SEC24A: variants seen among roughly 807,000 people sequenced by gnomAD.
The protein encoded by SEC24A is SEC24 homolog A, COPII component.
SEC24A carries 93 observed loss-of-function variants against 129.4 expected under a neutral mutation model. The observed-to-expected ratio is 0.72, with a 90% CI of 0.61 to 0.85. The LOEUF (loss-of-function observed/expected upper bound fraction) is 0.85. SEC24A is among the 40% of genes least tolerant of loss of function. The pLI is 0.00. For synonymous variants in SEC24A, 460 were observed against 467.3 expected, an observed-to-expected ratio of 0.98 and a Z score of 0.20; for missense variants, 1,264 against 1,307.4, an observed-to-expected ratio of 0.97 and a Z score of 0.51.
At chr5:134,681,965 G>A (rs1421387094) in intron 8 of SEC24A, among the ~76,000 whole-genome samples, 2 of 152,240 alleles carry the variant, frequency 1.3e-5, no homozygotes, top group African/African-American at 4.8e-5. Flanking sequence ...AAATAGGCCG[G>A]GTGTGGTGGC....
At chr5:134,665,680 C>T (rs1377997333) in intron 2 of SEC24A, among the ~76,000 whole-genome samples, 1 of 151,882 alleles carries the variant, frequency 6.6e-6, no homozygotes, top group African/African-American at 2.4e-5. Context: ...CCTCAGCTTC[C>T]CAAGTAGCTG....
At chr5:134,692,119 G>A (rs928951527) in intron 11 of SEC24A, among the ~76,000 whole-genome samples, 6 of 148,790 alleles carry the variant, frequency 4.0e-5, no homozygotes, top group African/African-American at 1.5e-4. Flanking sequence ...GAGTGCAGTG[G>A]TGCAATCTTG....
At chr5:134,663,601 T>C (rs933509435) in intron 2 of SEC24A, among the ~76,000 whole-genome samples, 11 of 152,134 alleles carry the variant, frequency 7.2e-5, no homozygotes, top group African/African-American at 1.9e-4. Context: ...GAGGATCCAC[T>C]TGAGGCCAGG....
intron 2 of SEC24A, among the ~76,000 whole-genome samples, chr5:134,663,846 A>C (rs762291467): frequency 1.7e-4 from 26 of 152,212 alleles, no homozygotes; most frequent in Admixed American, 3.3e-4. Context: ...ATGGTGGCTC[A>C]CGCCTGTAAG....
Position 134,700,741 on chromosome 5 carries a change from C to T in SEC24A, c.2266+2684C>T, listed in dbSNP as rs1246771661. Reference sequence around the variant, plus strand: ...TTACTTTATTTTTTTTTTTCTGAGACCACATCTTGCTCTTTTGTCCAGGCT... The same window carrying T: ...TTACTTTATTTTTTTTTTTCTGAGATCACATCTTGCTCTTTTGTCCAGGCT... On this transcript the variant is annotated intron_variant, in intron 15 of 22. Transcript: ENST00000398844. 2.7e-5 allele frequency among the ~76,000 whole-genome samples: 4 copies of T among 150,054 alleles called. No individual in the cohort carries two copies. In the East Asian group the frequency reaches 5.9e-4, roughly 22 times the overall value.
In SEC24A at chr5:134,676,034, G is replaced by A; in HGVS notation, c.1163G>A (p.Cys388Tyr). ...KLNCNPELFR[C>Y]TLTSIPQTQA... ...TTACTTTGATATAGGTTATTTCGATGCACGCTGACTAGCATTCCTCAGACG... is the reference window on the plus strand; with the variant it reads ...TTACTTTGATATAGGTTATTTCGATACACGCTGACTAGCATTCCTCAGACG... The change falls in exon 7 of 23, where the codon TGC becomes TAC. Residue 388 changes from cysteine (C) to tyrosine (Y), a missense_variant. Transcript: ENST00000398844. The A allele has an allele frequency of 6.2e-7, 1 of 1,603,798 alleles. No individual in the cohort carries two copies. Among genetic ancestry groups the A allele is most frequent in the Non-Finnish European group, 8.5e-7 (1 of 1,176,532 alleles).
intron 19 of SEC24A, among the ~76,000 whole-genome samples, chr5:134,717,118 AT>A (rs1290984383): frequency 6.6e-6 from 1 of 151,844 alleles, no homozygotes; most frequent in Admixed American, 6.6e-5. Flanking sequence ...ACCTCAAGTG[AT>A]CCACCCGCCT....
chr5:134,657,554 C>T (rs551690640), intron 1 of SEC24A, among the ~76,000 whole-genome samples: 1 of 152,168 alleles, frequency 6.6e-6, no homozygotes, highest in East Asian at 1.9e-4. Context: ...TATTTCTCTG[C>T]TGTCCCAATG....
At chr5:134,695,401 C>T (rs535467594) in intron 13 of SEC24A, among the ~76,000 whole-genome samples, 2 of 152,200 alleles carry the variant, frequency 1.3e-5, no homozygotes, top group East Asian at 3.9e-4. Context: ...CCTGTAAGAC[C>T]AGTGCTTTGG....
In SEC24A at chr5:134,721,013, G is replaced by T. The variant is rs1286993841; in HGVS notation, c.2986G>T (p.Val996Phe). 2 of 1,610,556 alleles carry T rather than the reference G, an allele frequency of 1.2e-6. No homozygotes were observed. The highest frequency in any genetic ancestry group is 2.7e-5 in the African/African-American group (2 of 74,770). ...MDAGSVLMLWVGKNCTQNFLS... is the reference protein window; with the variant it reads ...MDAGSVLMLWFGKNCTQNFLS... ...CTGTCCCTAGGTACTGATGCTTTGG[G>T]TTGGAAAAAATTGTACACAGAATTT... Residue 996 changes from valine (V) to phenylalanine (F), a missense_variant, in exon 21 of 23, where the codon GTT becomes TTT. Physicochemically the swap from Val to Phe is conservative, Grantham distance 50. Transcript: ENST00000398844.
rs771004476 is a variant in SEC24A at position 134,721,032 on chromosome 5, A to G, written c.3005A>G (p.Gln1002Arg). ...CTTTGGGTTGGAAAAAATTGTACAC[A>G]GAATTTTCTCAGCCAAGTTCTAGGA... ...LMLWVGKNCT[Q>R]NFLSQVLGVQ... Residue 1002 changes from glutamine (Q) to arginine (R), a missense_variant, in exon 21 of 23, where the codon CAG (glutamine) becomes CGG (arginine). Coordinates refer to ENST00000398844, the MANE Select transcript of SEC24A (RefSeq NM_021982.3). 6.2e-7 allele frequency: 1 copy of G among 1,613,206 alleles called. No individual in the cohort carries two copies. Among genetic ancestry groups the G allele is most frequent in the Non-Finnish European group, 8.5e-7 (1 of 1,179,192 alleles).
At chr5:134,672,745 A>ATT (rs998822292) in intron 4 of SEC24A, among the ~76,000 whole-genome samples, 1 of 145,740 alleles carries the variant, frequency 6.9e-6, no homozygotes, top group African/African-American at 2.5e-5. Context: ...TACTTTTAGG[A>ATT]TTTTTTTTTT....
chr5:134,692,641 T>TA lies in SEC24A; in HGVS notation c.1766dup (p.Asn589LysfsTer2). On this transcript the variant is annotated frameshift_variant, in exon 12 of 23. Coordinates refer to ENST00000398844, the MANE Select transcript of SEC24A (RefSeq NM_021982.3). LOFTEE classifies it high-confidence loss of function. ...ATGCCAGAGAACTTATTAGTAAACT[T>TA]AAATGAAAGTAAAGAGGTAAGGCAC... The TA allele has an allele frequency of 7.1e-7, 1 of 1,412,472 alleles. No individual in the cohort carries two copies. Among genetic ancestry groups the TA allele is most frequent in the Non-Finnish European group, 1.0e-6 (1 of 1,000,106 alleles). The allele number at this position is 1,412,472 out of a possible 1,614,324, so 87.5% of individuals were successfully genotyped here. A position where few individuals can be genotyped will look rare whatever the true frequency, so the allele number is the denominator to read the frequency against.
At chr5:134,716,343 G>T (rs1211841151) in intron 19 of SEC24A, among the ~76,000 whole-genome samples, 1 of 151,682 alleles carries the variant, frequency 6.6e-6, no homozygotes, top group Admixed American at 6.6e-5. Flanking sequence ...GGTGGCGGGT[G>T]CCTGTAATCC....
chr5:134,658,240 T>C (rs933359898), intron 1 of SEC24A, among the ~76,000 whole-genome samples: 28 of 152,244 alleles, frequency 1.8e-4, no homozygotes, highest in Admixed American at 1.7e-3. Flanking sequence ...CACTGCACTT[T>C]AGCTTGGGCA....
intron 18 of SEC24A, among the ~76,000 whole-genome samples, chr5:134,710,012 G>T (rs1752274221): frequency 6.6e-6 from 1 of 150,452 alleles, no homozygotes; most frequent in Admixed American, 6.7e-5. Flanking sequence ...CGATTCTCCT[G>T]CCTCAGCCTC....
chr5:134,697,808 TAAAG>T, intron 14 of SEC24A, 87 bp from the exon 15 acceptor site: 1 of 1,323,940 alleles, frequency 7.6e-7, no homozygotes, highest in South Asian at 1.4e-5. Flanking sequence ...CTTGGAAAGT[TAAAG>T]AAAGATTGAT....
chr5:134,710,670 G>A (rs1752300960), intron 18 of SEC24A, among the ~76,000 whole-genome samples: 1 of 152,100 alleles, frequency 6.6e-6, no homozygotes, highest in African/African-American at 2.4e-5. Context: ...TGTTTGTAGG[G>A]TTTTTCATTT....
rs1262943641 is a variant in SEC24A at position 134,649,039 on chromosome 5, G to C, written c.-38G>C. The stretch of plus-strand genomic sequence containing the variant: ...TCTTTCAGCTCTCTTCTTGTGCGCT[G>C]TTGTCGACCCCGACCAGCCCCTTCC... On this transcript the variant is annotated 5_prime_UTR_variant, in exon 1 of 23. Coordinates refer to ENST00000398844, the MANE Select transcript of SEC24A (RefSeq NM_021982.3). The C allele has an allele frequency of 6.7e-7, 1 of 1,490,464 alleles. No homozygotes were observed. The highest frequency in any genetic ancestry group is 2.3e-5 in the East Asian group (1 of 42,874). The allele number at this position is 1,490,464 out of a possible 1,614,324, so 92.3% of individuals were successfully genotyped here.
Sources: gnomAD v4.1 joint callset for allele counts (sites outside exome capture counted in the v4.1 genomes callset) on GRCh38, gnomAD v4.1.1 for gene constraint, MANE v1.5 for transcripts, NCBI Gene and HGNC (gene_info 2026-07-23, HGNC 2026-07-21) for gene names.